The following MLLT3 variants were observed in gnomAD, a reference collection of about 807,000 sequenced individuals.
The protein encoded by MLLT3 is MLLT3 super elongation complex subunit, also known as protein AF-9.
Under a neutral mutation model 53.2 loss-of-function variants are expected in MLLT3, and 4 were observed. The observed-to-expected ratio is 0.08, with a 90% CI of 0.04 to 0.17. The LOEUF is 0.17. MLLT3 is among the 10% of genes least tolerant of loss of function. The probability of loss-of-function intolerance (pLI) is 1.00; values close to 1 mark genes in which losing one functional copy is unlikely to be tolerated. For synonymous variants in MLLT3, 283 were observed against 230.6 expected, an observed-to-expected ratio of 1.23 and a Z score of -2.06; for missense variants, 569 against 684.0, an observed-to-expected ratio of 0.83 and a Z score of 1.87.
At chr9:20,381,042 A>C (rs1586905939) in intron 5 of MLLT3, among the ~76,000 whole-genome samples, 1 of 151,954 alleles carries the variant, frequency 6.6e-6, no homozygotes, top group East Asian at 1.9e-4. Flanking sequence ...CTAAAATATA[A>C]TATACTAAAT....
intron 2 of MLLT3, among the ~76,000 whole-genome samples, chr9:20,559,119 T>C (rs1250055779): frequency 6.6e-6 from 1 of 152,208 alleles, no homozygotes; most frequent in Non-Finnish European, 1.5e-5. Flanking sequence ...TCGGGAATCA[T>C]TCACTGAGCA....
At chr9:20,378,902 T>G (rs188960132) in intron 5 of MLLT3, among the ~76,000 whole-genome samples, 34 of 152,198 alleles carry the variant, frequency 2.2e-4, no homozygotes, top group Admixed American at 1.8e-3. Flanking sequence ...AATGTGGTAT[T>G]CAGAATCACA....
Position 20,597,764 on chromosome 9 carries a change from T to C in MLLT3, c.193+22890A>G, listed in dbSNP as rs938370240. Among the ~76,000 whole-genome samples, 6 of 152,310 alleles carry C rather than the reference T, an allele frequency of 3.9e-5. No individual in the cohort carries two copies. The South Asian group carries it at 1.0e-3, about 26-fold the overall frequency. On this transcript the variant is annotated intron_variant, in intron 2 of 10. Transcript: ENST00000380338. ...TTTTCAGAAGAGAAACAAAAAGAAA[T>C]GGAAAATAAAAGGAGTAAGAGATTA...
At position 20,346,472 on chromosome 9, in the gene MLLT3, T is replaced by C; in HGVS notation, c.1678A>G (p.Ser560Gly). The C allele has an allele frequency of 5.0e-6, 8 of 1,613,052 alleles. No individual in the cohort carries two copies. The highest frequency in any genetic ancestry group is 6.8e-6 in the Non-Finnish European group (8 of 1,179,504). The part of the protein sequence containing the change: ...LDKTTVRKLQ[S>G]YLETSGTS The stretch of plus-strand genomic sequence containing the variant: ...GATGTTCCAGATGTTTCCAGGTAAC[T>C]CTGTAGTTTACGGACTGTGGTTTTG... Residue 560 changes from serine (S) to glycine (G), a missense_variant, in exon 11 of 11, where the codon AGT (serine) becomes GGT (glycine). Coordinates refer to ENST00000380338, the MANE Select transcript of MLLT3 (RefSeq NM_004529.4).
chr9:20,490,237 A>T (rs140866813), intron 2 of MLLT3, among the ~76,000 whole-genome samples: 3 of 152,224 alleles, frequency 2.0e-5, no homozygotes, highest in African/African-American at 7.2e-5. Context: ...TTCTGCAAAT[A>T]TAAGTTTACT....
chr9:20,565,881 C>T (rs1291005670), intron 2 of MLLT3, among the ~76,000 whole-genome samples: 1 of 143,602 alleles, frequency 7.0e-6, no homozygotes, highest in East Asian at 2.0e-4. Context: ...TATATCCTCA[C>T]TTCCTCCTTC....
chr9:20,583,502 G>A (rs181818732), intron 2 of MLLT3, among the ~76,000 whole-genome samples: 2 of 152,286 alleles, frequency 1.3e-5, no homozygotes, highest in African/African-American at 4.8e-5. Flanking sequence ...CCTTAGCAGA[G>A]GTTCTCCATG....
At position 20,456,803 on chromosome 9, in the gene MLLT3, G is replaced by T; in HGVS notation, c.194-17C>A. 1 of 1,507,968 alleles carries T rather than the reference G, an allele frequency of 6.6e-7. No individual in the cohort carries two copies. Among genetic ancestry groups the T allele is most frequent in the Non-Finnish European group, 9.0e-7 (1 of 1,112,116 alleles). 93.4% of individuals were successfully genotyped at this position (1,507,968 alleles called of 1,614,324 possible). A position where few individuals can be genotyped will look rare whatever the true frequency, so the allele number is the denominator to read the frequency against. Reference sequence around the variant, plus strand: ...CTTTGCACACTGCAACATTAAAAAAGAAAATAGGTAAGATGAGAATAATAG... The same window carrying T: ...CTTTGCACACTGCAACATTAAAAAATAAAATAGGTAAGATGAGAATAATAG... On this transcript the variant is annotated splice_polypyrimidine_tract_variant and intron_variant, in intron 2 of 10. Coordinates refer to ENST00000380338, the MANE Select transcript of MLLT3 (RefSeq NM_004529.4).
chr9:20,621,990 A>C lies in MLLT3; in HGVS notation c.12+255T>G. ...TGTGACTGCAAAGAGGCGAGGAGGG[A>C]GGGAGGCGCGGGGGGTGGAGGGGCG... On this transcript the variant is annotated intron_variant, in intron 1 of 10. Coordinates refer to ENST00000380338, the MANE Select transcript of MLLT3 (RefSeq NM_004529.4). The surrounding 1 kb of genome is among the most constrained non-coding windows in gnomAD (Gnocchi z 7.0). 7.8e-7 allele frequency: 1 copy of C among 1,282,238 alleles called. No homozygotes were observed. The highest frequency in any genetic ancestry group is 1.7e-5 in the African/African-American group (1 of 59,272). 79.4% of individuals were successfully genotyped at this position (1,282,238 alleles called of 1,614,324 possible).
intron 4 of MLLT3, among the ~76,000 whole-genome samples, chr9:20,424,569 T>C (rs553500304): frequency 5.7e-4 from 87 of 152,134 alleles, no homozygotes; most frequent in Admixed American, 1.9e-3. Context: ...CTATAGGCTG[T>C]CATTAGGAAG....
chr9:20,576,729 T>C (rs1052653193), intron 2 of MLLT3, among the ~76,000 whole-genome samples: 2 of 152,194 alleles, frequency 1.3e-5, no homozygotes, highest in African/African-American at 2.4e-5. Context: ...AATTCTGATA[T>C]ACTGCAAGCA....
chr9:20,573,003 C>A (rs1299952336), intron 2 of MLLT3, among the ~76,000 whole-genome samples: 1 of 152,076 alleles, frequency 6.6e-6, no homozygotes, highest in Non-Finnish European at 1.5e-5. Flanking sequence ...AAATGAAGTA[C>A]CTCCAGATTA....
intron 2 of MLLT3, among the ~76,000 whole-genome samples, chr9:20,461,645 C>T (rs911913422): frequency 5.3e-5 from 8 of 152,030 alleles, no homozygotes; most frequent in African/African-American, 1.9e-4. Context: ...AAAGAAAAAA[C>T]GCTGCCAACT....
At chr9:20,610,858 C>T (rs1820684116) in intron 2 of MLLT3, among the ~76,000 whole-genome samples, 1 of 152,130 alleles carries the variant, frequency 6.6e-6, no homozygotes. Flanking sequence ...AAAAGTCATA[C>T]AACAAGCATC....
chr9:20,559,442 C>T (rs936409270), intron 2 of MLLT3, among the ~76,000 whole-genome samples: 1 of 152,192 alleles, frequency 6.6e-6, no homozygotes, highest in Non-Finnish European at 1.5e-5. Flanking sequence ...GCATTTTACA[C>T]CAGTGCAAAG....
chr9:20,481,523 G>A (rs1295184737), intron 2 of MLLT3, among the ~76,000 whole-genome samples: 8 of 152,110 alleles, frequency 5.3e-5, no homozygotes. Flanking sequence ...TTTGCAATGA[G>A]GGGATGGGGG....
chr9:20,550,086 G>A (rs184000464), intron 2 of MLLT3, among the ~76,000 whole-genome samples: 33 of 152,230 alleles, frequency 2.2e-4, no homozygotes, highest in African/African-American at 7.5e-4. Flanking sequence ...ATGGACACAC[G>A]CATTAAAATC....
At chr9:20,611,948 T>C (rs1820714462) in intron 2 of MLLT3, among the ~76,000 whole-genome samples, 1 of 152,158 alleles carries the variant, frequency 6.6e-6, no homozygotes, top group Non-Finnish European at 1.5e-5. Context: ...TTTCTAATGA[T>C]TTAATCTCAA....
At chr9:20,523,635 CTA>C (rs1281317266) in intron 2 of MLLT3, among the ~76,000 whole-genome samples, 1 of 152,232 alleles carries the variant, frequency 6.6e-6, no homozygotes, top group East Asian at 1.9e-4. Flanking sequence ...ATGATTCCAA[CTA>C]TATGACATTT....
Sources: gnomAD v4.1 joint callset for allele counts (sites outside exome capture counted in the v4.1 genomes callset) on GRCh38, gnomAD v4.1.1 for gene constraint, Gnocchi (gnomAD v3.1) non-coding constraint, MANE v1.5 for transcripts, NCBI Gene and HGNC (gene_info 2026-07-23, HGNC 2026-07-21) for gene names.